Variants in SH3BGRL observed in about 807,000 individuals in gnomAD.
The protein encoded by SH3BGRL is SH3 domain binding glutamate rich protein like, also known as adapter SH3BGRL.
SH3BGRL carries 7 observed loss-of-function variants against 9.8 expected under a neutral mutation model. The observed-to-expected ratio is 0.72, with a 90% CI of 0.41 to 1.35. The LOEUF is 1.35. SH3BGRL is among the 40% of genes most tolerant of loss of function. SH3BGRL has a pLI of 0.01. For synonymous variants in SH3BGRL, 36 were observed against 29.1 expected, an observed-to-expected ratio of 1.24 and a Z score of -0.76; for missense variants, 73 against 84.4, an observed-to-expected ratio of 0.86 and a Z score of 0.53.
chrX:81,222,542 T>G (rs1441881293), intron 1 of SH3BGRL, among the ~76,000 whole-genome samples: 2 of 111,071 alleles, frequency 1.8e-5, no homozygotes, highest in East Asian at 5.7e-4. Flanking sequence ...ATGGTGTATA[T>G]GTGCCACATT....
At chrX:81,273,204 C>A (rs1320173771) in intron 1 of SH3BGRL, among the ~76,000 whole-genome samples, 1 of 112,133 alleles carries the variant, frequency 8.9e-6, no homozygotes, top group Non-Finnish European at 1.9e-5. Context: ...GATTAAAAAT[C>A]TAACATTTGT....
chrX:81,256,933 T>C (rs1306682536), intron 1 of SH3BGRL, among the ~76,000 whole-genome samples: 4 of 111,767 alleles, frequency 3.6e-5, no homozygotes, highest in African/African-American at 9.7e-5. Flanking sequence ...CATTCATTAG[T>C]TTTAATAGCT....
At chrX:81,247,429 G>A (rs2075692891) in intron 1 of SH3BGRL, among the ~76,000 whole-genome samples, 1 of 111,752 alleles carries the variant, frequency 8.9e-6, no homozygotes, top group South Asian at 3.7e-4. Context: ...TCAGTATGAT[G>A]TTGGCTGTTG....
At chrX:81,231,648 T>C (rs1187852901) in intron 1 of SH3BGRL, among the ~76,000 whole-genome samples, 1 of 112,204 alleles carries the variant, frequency 8.9e-6, no homozygotes, top group Non-Finnish European at 1.9e-5. Context: ...ATTATCAATT[T>C]AACTGAATTG....
intron 1 of SH3BGRL, among the ~76,000 whole-genome samples, chrX:81,263,972 T>C (rs1363724667): frequency 2.7e-5 from 3 of 110,032 alleles, no homozygotes; most frequent in Non-Finnish European, 5.7e-5. Flanking sequence ...ACCAGAGGCC[T>C]CGTGGTGTTC....
At chrX:81,285,528 T>C (rs1277557500) in intron 3 of SH3BGRL, among the ~76,000 whole-genome samples, 1 of 111,780 alleles carries the variant, frequency 8.9e-6, no homozygotes, top group Admixed American at 9.5e-5. Flanking sequence ...AAAAGCTTCA[T>C]AGATAAAAAT....
intron 3 of SH3BGRL, among the ~76,000 whole-genome samples, chrX:81,294,659 C>T (rs761270047): frequency 2.5e-4 from 28 of 111,136 alleles, no homozygotes; most frequent in Non-Finnish European, 4.3e-4. Context: ...ACCGGGGCAC[C>T]GCCTAGTAGA....
intron 3 of SH3BGRL, among the ~76,000 whole-genome samples, chrX:81,279,935 T>C (rs922588535): frequency 1.1e-4 from 12 of 110,869 alleles, no homozygotes; most frequent in African/African-American, 2.6e-4. Flanking sequence ...TAGCCTTGGG[T>C]GAATTTTTAA....
intron 1 of SH3BGRL, among the ~76,000 whole-genome samples, chrX:81,205,906 T>C (rs949634713): frequency 1.8e-5 from 2 of 111,440 alleles, no homozygotes; most frequent in Non-Finnish European, 3.8e-5. Flanking sequence ...GCCATTTTAA[T>C]TGGAGTGAGA....
intron 1 of SH3BGRL, among the ~76,000 whole-genome samples, chrX:81,211,832 T>C (rs1336243704): frequency 5.4e-5 from 6 of 110,954 alleles, no homozygotes; most frequent in Admixed American, 9.7e-5. Context: ...AGAAAGCCTA[T>C]TGTGGAACCT....
chrX:81,268,455 T>A (rs770280335), intron 1 of SH3BGRL, among the ~76,000 whole-genome samples: 24 of 111,874 alleles, frequency 2.1e-4, no homozygotes, highest in Non-Finnish European at 4.3e-4. Flanking sequence ...ACATCTTTAT[T>A]TCTGCCTTCA....
At chrX:81,290,696 G>T (rs1254919464) in intron 3 of SH3BGRL, among the ~76,000 whole-genome samples, 1 of 110,516 alleles carries the variant, frequency 9.0e-6, no homozygotes, top group Non-Finnish European at 1.9e-5. Flanking sequence ...TAAATTAATT[G>T]TATACTTTAA....
chrX:81,277,130 C>T lies in SH3BGRL; in HGVS notation c.192C>T (p.Pro64=), dbSNP rs1421187047. The T allele has an allele frequency of 9.9e-6, 12 of 1,207,701 alleles. No individual in the cohort carries two copies. The highest frequency in any genetic ancestry group is 1.3e-5 in the Non-Finnish European group (12 of 894,215). The change falls in exon 2 of 4, where the codon CCC becomes CCT. Residue 64 remains proline (P), a synonymous_variant. Coordinates refer to ENST00000373212, the MANE Select transcript of SH3BGRL (RefSeq NM_003022.3). ...PENSRPATGY[P]LPPQIFNESQ... Reference sequence around the variant, plus strand: ...ATAGTCGACCAGCCACAGGTTACCCCCTGCCACCTCAGATTTTCAATGAAA... The same window carrying T: ...ATAGTCGACCAGCCACAGGTTACCCTCTGCCACCTCAGATTTTCAATGAAA...
intron 1 of SH3BGRL, among the ~76,000 whole-genome samples, chrX:81,276,268 T>A (rs1462167562): frequency 5.5e-5 from 6 of 109,381 alleles, no homozygotes; most frequent in Non-Finnish European, 1.1e-4. Context: ...CTCCACCTGG[T>A]TATCTAGATG....
At chrX:81,229,232 G>A (rs962225648) in intron 1 of SH3BGRL, among the ~76,000 whole-genome samples, 1 of 111,010 alleles carries the variant, frequency 9.0e-6, no homozygotes, top group African/African-American at 3.3e-5. Context: ...AAACCTCTGG[G>A]GGGAGCATGC....
intron 1 of SH3BGRL, among the ~76,000 whole-genome samples, chrX:81,220,562 C>T (rs1330054626): frequency 5.5e-5 from 6 of 109,093 alleles, no homozygotes; most frequent in African/African-American, 2.0e-4. Flanking sequence ...TTCAAAAAAC[C>T]CACTTTTTGT....
intron 1 of SH3BGRL, among the ~76,000 whole-genome samples, chrX:81,253,742 G>A (rs1445728604): frequency 2.7e-5 from 3 of 112,003 alleles, no homozygotes; most frequent in Admixed American, 9.5e-5. Context: ...GTTGGCATAC[G>A]ATTTTTTATT....
intron 1 of SH3BGRL, among the ~76,000 whole-genome samples, chrX:81,241,760 GTTCCTGGCATCTGCAAC>G (rs1488639251): frequency 7.1e-5 from 8 of 112,423 alleles, no homozygotes; most frequent in African/African-American, 1.3e-4. Context: ...GGGCTCTGCA[GTTCCTGGCATCTGCAAC>G]TTCCAAGCAT....
chrX:81,265,277 G>A lies in SH3BGRL; in HGVS notation c.46-11707G>A, dbSNP rs1430607479. ...AGAACGTGCAGTGTTGTTACAGTTAGGTATACACGTGCCATGGTGATTTGC... is the reference window on the plus strand; with the variant it reads ...AGAACGTGCAGTGTTGTTACAGTTAAGTATACACGTGCCATGGTGATTTGC... On this transcript the variant is annotated intron_variant, in intron 1 of 3. Transcript: ENST00000373212. Among the ~76,000 whole-genome samples, 18 of 105,592 alleles carry A rather than the reference G, an allele frequency of 1.7e-4. No homozygotes were observed. The Admixed American group carries it at 1.9e-3, about 11-fold the overall frequency. 91.7% of individuals were successfully genotyped at this position (105,592 alleles called of 115,157 possible).
Sources: gnomAD v4.1 joint callset for allele counts (sites outside exome capture counted in the v4.1 genomes callset) on GRCh38, gnomAD v4.1.1 for gene constraint, MANE v1.5 for transcripts, NCBI Gene and HGNC (gene_info 2026-07-23, HGNC 2026-07-21) for gene names.